Variants in GSE1 observed in about 807,000 individuals in gnomAD.
GSE1 encodes Gse1 coiled-coil protein.
A neutral mutation model predicts 112.6 loss-of-function variants in GSE1; 32 were observed. The ratio of observed to expected loss-of-function variants is 0.28; its 90% CI spans 0.21 to 0.38. The LOEUF (loss-of-function observed/expected upper bound fraction) is 0.38, where lower values mean the gene tolerates loss of function less well. Ranked by LOEUF, GSE1 falls within the 10% of genes least tolerant of loss-of-function variation. The pLI, the probability that GSE1 is intolerant of heterozygous loss-of-function variation, is 1.00. For synonymous variants in GSE1, 1,115 were observed against 735.6 expected (o/e 1.52, Z -8.35); for missense variants, 2,348 against 1,699.2 (o/e 1.38, Z -6.71).
rs56691935 is a variant in GSE1, at chr16:85,253,069, A to ACC, written c.2283+81274_2283+81275dup. On this transcript the variant is annotated intron_variant, in intron 1 of 2. Transcript: ENST00000637419. ...TCATAGGCGCCCCCGCCCCCCCCCC[A>ACC]CCCCCCCCCCCCCACCAGCAGGCTG... is the stretch of plus-strand genomic sequence containing the variant. 2.4e-4 allele frequency among the ~76,000 whole-genome samples: 14 copies of ACC among 57,836 alleles called. No homozygotes were observed. In the East Asian group the frequency reaches 3.1e-3, roughly 13 times the overall value. The allele number at this position is 57,836 out of a possible 152,430, so 37.9% of individuals were successfully genotyped here. A position where few individuals can be genotyped will look rare whatever the true frequency, so the allele number is the denominator to read the frequency against.
At chr16:85,659,265 G>C (rs552931028) in intron 8 of GSE1, 5 of 152,406 alleles carry the variant, frequency 3.3e-5, no homozygotes, top group African/African-American at 1.2e-4. Flanking sequence ...GCCCGGCCGT[G>C]TGCCTGCTGT....
At chr16:85,177,023 G>A (rs1015520405) in intron 1 of GSE1, among the ~76,000 whole-genome samples, 2 of 152,238 alleles carry the variant, frequency 1.3e-5, no homozygotes, top group African/African-American at 4.8e-5. Context: ...CCTCTCCTTG[G>A]CAGCAGCTGG....
In GSE1 at chr16:85,171,097, C is replaced by G. The variant is rs928400213; in HGVS notation, c.1573C>G (p.Pro525Ala). ...GCCCTGCCCGCCCAACGCCCAGGGC[C>G]CCAACAAGCGCTGTGAAGTCCGCAG... Residue 525 changes from proline to alanine, a missense_variant, in exon 1 of 3, where the codon CCC (proline) becomes GCC (alanine). Transcript: ENST00000637419. The G allele has an allele frequency of 4.1e-6, 4 of 985,532 alleles. No homozygotes were observed. The African/African-American group carries it at 7.0e-5, about 17-fold the overall frequency. The allele number at this position is 985,532 out of a possible 1,614,324, so 61.0% of individuals were successfully genotyped here.
chr16:85,645,634 T>C (rs1272534151), intron 2 of GSE1, among the ~76,000 whole-genome samples: 2 of 151,982 alleles, frequency 1.3e-5, no homozygotes, highest in Non-Finnish European at 2.9e-5. Flanking sequence ...GGGCACCCCC[T>C]GTGAGCAGCA....
intron 2 of GSE1, among the ~76,000 whole-genome samples, chr16:85,494,101 C>T (rs890611078): frequency 3.3e-5 from 5 of 152,230 alleles, no homozygotes; most frequent in Non-Finnish European, 5.9e-5. Flanking sequence ...TATTCGTTCC[C>T]TAAAGCTGCC....
At chr16:85,442,797 A>C (rs1567490766) in intron 2 of GSE1, among the ~76,000 whole-genome samples, 1 of 152,168 alleles carries the variant, frequency 6.6e-6, no homozygotes, top group Admixed American at 6.5e-5. Flanking sequence ...CGTGGTTGGA[A>C]ATGACAGGAA....
chr16:85,375,813 C>T (rs897319079), intron 2 of GSE1, among the ~76,000 whole-genome samples: 5 of 152,242 alleles, frequency 3.3e-5, no homozygotes, highest in Admixed American at 3.3e-4. Context: ...GACTCTCTCC[C>T]CTTCACCAAG....
At position 85,373,895 on chromosome 16, in the gene GSE1, C is replaced by T. The variant is rs566080232; in HGVS notation, c.2464+16252C>T. ...TGTCTCTTTCATGAGCGGCAGCCTC[C>T]AGGCACCCGCCCGGCCTCCCTCCCC... On this transcript the variant is annotated intron_variant, in intron 2 of 2. Transcript: ENST00000637419. The surrounding 1 kb of genome is among the most constrained non-coding windows in gnomAD (Gnocchi z 5.1). Among the ~76,000 whole-genome samples, 3 of 152,158 alleles carry T rather than the reference C, an allele frequency of 2.0e-5. No individual in the cohort carries two copies. Among genetic ancestry groups the T allele is most frequent in the Non-Finnish European group, 4.4e-5 (3 of 68,030 alleles).
intron 1 of GSE1, among the ~76,000 whole-genome samples, chr16:85,223,558 C>T (rs776079670): frequency 9.2e-5 from 14 of 151,960 alleles, no homozygotes; most frequent in East Asian, 3.9e-4. Flanking sequence ...GTAAGATACA[C>T]GTGACATAAA....
At chr16:85,619,501 C>T (rs111407170) in intron 1 of GSE1, among the ~76,000 whole-genome samples, 1,664 of 152,234 alleles carry the variant, frequency 0.011, 26 homozygotes, top group African/African-American at 0.038. Flanking sequence ...GGGCAAAGCC[C>T]GGGGGTGCCA....
chr16:85,420,758 G>A (rs371811064), intron 2 of GSE1, among the ~76,000 whole-genome samples: 3 of 152,322 alleles, frequency 2.0e-5, no homozygotes, highest in South Asian at 2.1e-4. Context: ...CCAAGGGCAG[G>A]TGGCTTCCTC....
chr16:85,533,546 C>G (rs2044208366), intron 2 of GSE1, among the ~76,000 whole-genome samples: 1 of 151,998 alleles, frequency 6.6e-6, no homozygotes, highest in South Asian at 2.1e-4. Context: ...GATGGGTGTT[C>G]AAAGTATGTT....
intron 1 of GSE1, among the ~76,000 whole-genome samples, chr16:85,620,581 C>T (rs897235666): frequency 6.6e-6 from 1 of 152,240 alleles, no homozygotes; most frequent in Admixed American, 6.5e-5. Context: ...TCCACGCGGT[C>T]GTCTCTGCCG....
intron 2 of GSE1, among the ~76,000 whole-genome samples, chr16:85,415,508 C>T (rs943218083): frequency 6.6e-6 from 1 of 152,214 alleles, no homozygotes; most frequent in African/African-American, 2.4e-5. Flanking sequence ...ACCCTGAGAT[C>T]CCTGGCTCTG....
chr16:85,506,387 G>A (rs767515228), intron 2 of GSE1, among the ~76,000 whole-genome samples: 5 of 152,146 alleles, frequency 3.3e-5, no homozygotes, highest in Admixed American at 3.3e-4. Flanking sequence ...GGCACGTGGG[G>A]AAGGCTCAGC....
At chr16:85,448,545 G>C (rs59720774) in intron 2 of GSE1, among the ~76,000 whole-genome samples, 14,208 of 152,258 alleles carry the variant, frequency 0.093, 893 homozygotes, top group African/African-American at 0.18. Context: ...CGGGACCCCA[G>C]GGGGAAGATG....
chr16:85,234,287 C>G (rs1466494708), intron 1 of GSE1, among the ~76,000 whole-genome samples: 1 of 152,128 alleles, frequency 6.6e-6, no homozygotes, highest in Non-Finnish European at 1.5e-5. Flanking sequence ...CATTTTGAAA[C>G]CAGAGTCTCC....
intron 1 of GSE1, among the ~76,000 whole-genome samples, chr16:85,355,531 C>A (rs1189594278): frequency 6.6e-6 from 1 of 152,168 alleles, no homozygotes; most frequent in African/African-American, 2.4e-5. Flanking sequence ...AGAGAGCAGA[C>A]GCCGACAGCC....
At chr16:85,518,916 G>A (rs749617038) in intron 2 of GSE1, among the ~76,000 whole-genome samples, 7 of 152,114 alleles carry the variant, frequency 4.6e-5, no homozygotes, top group South Asian at 2.1e-4. Context: ...TTTGTCCTCC[G>A]CTGGCTCGTG....
Sources: allele counts gnomAD v4.1 joint callset (sites outside exome capture counted in the v4.1 genomes callset), GRCh38; gene constraint gnomAD v4.1.1; non-coding constraint Gnocchi (gnomAD v3.1); transcripts MANE v1.5; gene names NCBI Gene and HGNC (gene_info 2026-07-23, HGNC 2026-07-21).